TSHZ2: variants seen among roughly 807,000 people sequenced by gnomAD.
TSHZ2 encodes teashirt homolog 2.
TSHZ2 carries 21 observed loss-of-function variants against 74.4 expected under a neutral mutation model. The ratio of observed to expected loss-of-function variants is 0.28; its 90% CI spans 0.20 to 0.41. TSHZ2 has a LOEUF of 0.41. TSHZ2 is among the 10% of genes least tolerant of loss of function. The pLI is 1.00. For synonymous variants in TSHZ2, 540 were observed against 515.3 expected (o/e 1.05, Z -0.65); for missense variants, 1,244 against 1,293.5 (o/e 0.96, Z 0.59).
At chr20:53,231,325 C>T (rs1226661847) in intron 1 of TSHZ2, among the ~76,000 whole-genome samples, 6 of 152,190 alleles carry the variant, frequency 3.9e-5, no homozygotes, top group African/African-American at 4.8e-5. Flanking sequence ...TCAACCCATG[C>T]GCCCCTTCAG....
chr20:53,417,725 A>T (rs574171367), intron 2 of TSHZ2, among the ~76,000 whole-genome samples: 2 of 152,154 alleles, frequency 1.3e-5, no homozygotes, highest in Non-Finnish European at 2.9e-5. Flanking sequence ...TGCTTGCTGC[A>T]TTTGCTTCTC....
intron 2 of TSHZ2, among the ~76,000 whole-genome samples, chr20:53,351,219 C>T (rs1980634247): frequency 6.6e-6 from 1 of 152,100 alleles, no homozygotes; most frequent in African/African-American, 2.4e-5. Flanking sequence ...ACTGTTTTCC[C>T]TTATTGAGTG....
At chr20:53,409,250 TTCTAA>T (rs1360995553) in intron 2 of TSHZ2, among the ~76,000 whole-genome samples, 2 of 152,168 alleles carry the variant, frequency 1.3e-5, no homozygotes, top group African/African-American at 4.8e-5. Context: ...TTTTTTTTAA[TTCTAA>T]TCTTTCTTCA....
chr20:53,308,944 T>C (rs1978661086), intron 2 of TSHZ2, among the ~76,000 whole-genome samples: 1 of 152,110 alleles, frequency 6.6e-6, no homozygotes, highest in African/African-American at 2.4e-5. Flanking sequence ...GGGGCAGCAG[T>C]TGGGGAAGAG....
chr20:53,014,129 A>G (rs1386685458), intron 1 of TSHZ2, among the ~76,000 whole-genome samples: 4 of 152,116 alleles, frequency 2.6e-5, no homozygotes, highest in Non-Finnish European at 4.4e-5. Context: ...TCAAGGTGCT[A>G]GCATTGTCAA....
intron 1 of TSHZ2, among the ~76,000 whole-genome samples, chr20:53,100,929 G>A (rs1986198403): frequency 6.6e-6 from 1 of 152,154 alleles, no homozygotes; most frequent in African/African-American, 2.4e-5. Flanking sequence ...AGTTTTTTGA[G>A]GTTTCTGAAA....
intron 1 of TSHZ2, among the ~76,000 whole-genome samples, chr20:53,133,351 T>A (rs1460756262): frequency 6.6e-6 from 1 of 152,220 alleles, no homozygotes; most frequent in Non-Finnish European, 1.5e-5. Context: ...CAGCAGTACA[T>A]GACAGACACA....
At chr20:53,401,331 A>C (rs1183941849) in intron 2 of TSHZ2, 1 of 152,160 alleles carries the variant, frequency 6.6e-6, no homozygotes, top group Non-Finnish European at 1.5e-5. Context: ...GTCCCATAAG[A>C]TTGTAATTCT....
chr20:53,283,608 A>G (rs1024385673), intron 2 of TSHZ2, among the ~76,000 whole-genome samples: 2 of 152,258 alleles, frequency 1.3e-5, no homozygotes, highest in Non-Finnish European at 2.9e-5. Context: ...AGTAAGAAGA[A>G]TAAACATATA....
chr20:53,083,556 A>G (rs1029463069), intron 1 of TSHZ2, among the ~76,000 whole-genome samples: 2 of 152,248 alleles, frequency 1.3e-5, no homozygotes, highest in Admixed American at 6.5e-5. Flanking sequence ...TAAAAAGAAC[A>G]AACAGTTTTC....
At chr20:53,364,488 G>T (rs908721456) in intron 2 of TSHZ2, among the ~76,000 whole-genome samples, 2 of 152,182 alleles carry the variant, frequency 1.3e-5, no homozygotes, top group Non-Finnish European at 2.9e-5. Context: ...AAGGAGAGGG[G>T]AAGAATGTAG....
At chr20:53,325,845 G>GCAATC (rs1979470432) in intron 2 of TSHZ2, among the ~76,000 whole-genome samples, 1 of 152,044 alleles carries the variant, frequency 6.6e-6, no homozygotes, top group African/African-American at 2.4e-5. Context: ...GCAGTGGCAC[G>GCAATC]ATCTCGGCTC....
chr20:53,190,896 G>C (rs1177295165), intron 1 of TSHZ2, among the ~76,000 whole-genome samples: 1 of 152,188 alleles, frequency 6.6e-6, no homozygotes, highest in Admixed American at 6.5e-5. Flanking sequence ...GTTTCCATGG[G>C]TGTAGCAGGG....
At chr20:53,213,445 A>G (rs955679786) in intron 1 of TSHZ2, among the ~76,000 whole-genome samples, 1 of 152,222 alleles carries the variant, frequency 6.6e-6, no homozygotes, top group Non-Finnish European at 1.5e-5. Flanking sequence ...TCAATGCCTG[A>G]ACTGGGCTGA....
chr20:52,996,841 C>T (rs1472922784), intron 1 of TSHZ2, among the ~76,000 whole-genome samples: 1 of 152,142 alleles, frequency 6.6e-6, no homozygotes. Context: ...TCCCTGGCTG[C>T]TGTTGATTTA....
intron 1 of TSHZ2, among the ~76,000 whole-genome samples, chr20:53,098,670 C>A (rs1986127473): frequency 6.6e-6 from 1 of 152,142 alleles, no homozygotes; most frequent in African/African-American, 2.4e-5. Flanking sequence ...GCTAGAAATT[C>A]AGGGGGGAAT....
intron 2 of TSHZ2, among the ~76,000 whole-genome samples, chr20:53,415,902 C>T (rs1983238133): frequency 6.6e-6 from 1 of 152,004 alleles, no homozygotes; most frequent in Admixed American, 6.6e-5. Context: ...ACTGTTATTT[C>T]CCCCTTTTCT....
intron 1 of TSHZ2, among the ~76,000 whole-genome samples, chr20:53,164,180 A>G (rs1176814418): frequency 6.6e-6 from 1 of 152,088 alleles, no homozygotes; most frequent in Non-Finnish European, 1.5e-5. Context: ...AATTAGTTTT[A>G]GGATTAGGAA....
chr20:53,009,545 A>G (rs909391710), intron 1 of TSHZ2, among the ~76,000 whole-genome samples: 4 of 152,212 alleles, frequency 2.6e-5, no homozygotes, highest in Non-Finnish European at 5.9e-5. Flanking sequence ...TTTCTATTTA[A>G]TATTTTTGAA....
Sources: gnomAD v4.1 joint callset for allele counts (sites outside exome capture counted in the v4.1 genomes callset) on GRCh38, gnomAD v4.1.1 for gene constraint, MANE v1.5 for transcripts, NCBI Gene and HGNC (gene_info 2026-07-23, HGNC 2026-07-21) for gene names.